Variants in SNX6 observed in about 807,000 individuals in gnomAD.
SNX6 encodes the protein sorting nexin-6.
SNX6 carries 34 observed loss-of-function variants against 63.0 expected under a neutral mutation model. The ratio of observed to expected loss-of-function variants is 0.54; its 90% CI spans 0.41 to 0.72. The LOEUF is 0.72. Among genes scored for constraint, SNX6 ranks in the 30% least tolerant of loss-of-function variants. The pLI is 0.00. For missense variants in SNX6, 398 were observed against 471.4 expected (o/e 0.84, Z 1.44); for synonymous variants, 170 against 164.2 (o/e 1.04, Z -0.27).
At chr14:34,610,786 A>G (rs1883198393) in intron 2 of SNX6, among the ~76,000 whole-genome samples, 1 of 152,162 alleles carries the variant, frequency 6.6e-6, no homozygotes, top group Admixed American at 6.6e-5. Context: ...GAAAGAGTCA[A>G]AACACTCAAA....
chr14:34,569,838 G>A (rs1241968764), intron 11 of SNX6, among the ~76,000 whole-genome samples: 2 of 152,090 alleles, frequency 1.3e-5, no homozygotes, highest in African/African-American at 4.8e-5. Flanking sequence ...AATTAATAAT[G>A]CTGCTGTGAA....
rs183672809 is a variant in SNX6, at chr14:34,595,913, C to T, written c.612+1637G>A. The stretch of plus-strand genomic sequence containing the variant: ...AACTCTTATACCATTTTTAGAACAT[C>T]ATTAAGAAAAGTATAGGTGTTTTCG... On this transcript the variant is annotated intron_variant, in intron 7 of 13. Transcript: ENST00000362031. 1.7e-3 allele frequency among the ~76,000 whole-genome samples: 265 copies of T among 152,172 alleles called. 2 individuals are homozygous for T. Among genetic ancestry groups the T allele is most frequent in the Non-Finnish European group, 2.6e-3 (177 of 67,998 alleles).
chr14:34,598,014 A>G (rs1219949781), intron 6 of SNX6, among the ~76,000 whole-genome samples: 3 of 152,316 alleles, frequency 2.0e-5, no homozygotes, highest in Admixed American at 1.3e-4. Flanking sequence ...GAGTTCCTTT[A>G]AACATGTGAA....
intron 7 of SNX6, among the ~76,000 whole-genome samples, chr14:34,596,923 T>G (rs1882627862): frequency 6.6e-6 from 1 of 152,106 alleles, no homozygotes; most frequent in African/African-American, 2.4e-5. Flanking sequence ...CCACCCACCT[T>G]GGCCTCCCAA....
At chr14:34,609,084 C>T (rs1430043309) in intron 3 of SNX6, among the ~76,000 whole-genome samples, 2 of 151,746 alleles carry the variant, frequency 1.3e-5, no homozygotes, top group Non-Finnish European at 2.9e-5. Flanking sequence ...ACAGAAAGAA[C>T]AATGAAATTG....
At position 34,562,654 on chromosome 14, in the gene SNX6, C is replaced by A. The variant is rs935252547; in HGVS notation, c.*468G>T. 6.5e-6 allele frequency: 1 copy of A among 153,068 alleles called. No individual in the cohort carries two copies. The highest frequency in any genetic ancestry group is 6.5e-5 in the Admixed American group (1 of 15,294). The allele number at this position is 153,068 out of a possible 1,614,324, so 9.5% of individuals were successfully genotyped here. A position where few individuals can be genotyped will look rare whatever the true frequency, so the allele number is the denominator to read the frequency against. On this transcript the variant is annotated 3_prime_UTR_variant, in exon 14 of 14. Coordinates refer to ENST00000362031, the MANE Select transcript of SNX6 (RefSeq NM_152233.4). ...ATTAAAAATAAGTCTGATTAAGATG[C>A]TTTACCAGGATACATGAATGAACTA...
In SNX6 at chr14:34,596,979, A is replaced by C. The variant is rs535748160; in HGVS notation, c.612+571T>G. Among the ~76,000 whole-genome samples the C allele has an allele frequency of 3.3e-5, 5 of 152,306 alleles. No individual in the cohort carries two copies. The East Asian group carries it at 9.7e-4, about 29-fold the overall frequency. ...GGGCCACCTTGCCCGGCCTCAACTG[A>C]GATCTTCTAACTCCAAAGCTGAACC... On this transcript the variant is annotated intron_variant, in intron 7 of 13. Coordinates refer to ENST00000362031, the MANE Select transcript of SNX6 (RefSeq NM_152233.4).
At chr14:34,622,419 A>C (rs1341575326) in intron 2 of SNX6, among the ~76,000 whole-genome samples, 1 of 151,656 alleles carries the variant, frequency 6.6e-6, no homozygotes, top group Non-Finnish European at 1.5e-5. Flanking sequence ...TCTCTACTAA[A>C]AATACAAAAA....
At chr14:34,607,525 G>A (rs529701340) in intron 4 of SNX6, among the ~76,000 whole-genome samples, 4 of 152,180 alleles carry the variant, frequency 2.6e-5, no homozygotes, top group Admixed American at 6.6e-5. Context: ...CAGGGGAATC[G>A]CCTGAATCCA....
chr14:34,610,799 C>T (rs1403093258), intron 2 of SNX6, among the ~76,000 whole-genome samples: 1 of 152,036 alleles, frequency 6.6e-6, no homozygotes. Context: ...CACTCAAAGT[C>T]TTAGCCAGCT....
chr14:34,612,473 CCT>C (rs74857898), intron 2 of SNX6, among the ~76,000 whole-genome samples: 21,795 of 151,786 alleles, frequency 0.14, 1,668 homozygotes, highest in East Asian at 0.17. Flanking sequence ...CACTTTGTCC[CCT>C]GAGGTTGGAG....
intron 3 of SNX6, among the ~76,000 whole-genome samples, chr14:34,608,526 AGT>A (rs1268399811): frequency 1.3e-5 from 2 of 152,180 alleles, no homozygotes; most frequent in Admixed American, 6.6e-5. Flanking sequence ...CAAGACCATT[AGT>A]GTCCTTTAAG....
chr14:34,597,345 C>A (rs1882645140), intron 7 of SNX6, among the ~76,000 whole-genome samples: 1 of 152,174 alleles, frequency 6.6e-6, no homozygotes, highest in Admixed American at 6.6e-5. Context: ...GGCAAATTCC[C>A]TTGGCTTAAG....
chr14:34,630,137 C>G lies in SNX6; in HGVS notation c.-21G>C. On this transcript the variant is annotated 5_prime_UTR_variant, in exon 1 of 14. Transcript: ENST00000362031. The stretch of plus-strand genomic sequence containing the variant: ...ATCATGGCTGCTCCGAGGCGAGGGC[C>G]GGCGCAGGCGCGCATCTCCCTGCTG... 2 of 1,307,686 alleles carry G rather than the reference C, an allele frequency of 1.5e-6. No homozygotes were observed. Among genetic ancestry groups the G allele is most frequent in the Middle Eastern group, 2.9e-4 (1 of 3,478 alleles). 81.0% of individuals were successfully genotyped at this position (1,307,686 alleles called of 1,614,324 possible).
intron 2 of SNX6, among the ~76,000 whole-genome samples, chr14:34,620,668 T>C (rs957979059): frequency 3.3e-5 from 5 of 152,016 alleles, no homozygotes; most frequent in Non-Finnish European, 7.4e-5. Context: ...GGGCCGGGCA[T>C]GGTGGCTCAC....
chr14:34,567,110 G>A (rs755956260), intron 13 of SNX6, among the ~76,000 whole-genome samples: 3 of 152,002 alleles, frequency 2.0e-5, no homozygotes, highest in Non-Finnish European at 2.9e-5. Flanking sequence ...TGTAGTCCTA[G>A]CTACTCGGGA....
intron 2 of SNX6, among the ~76,000 whole-genome samples, chr14:34,613,511 G>A (rs1187469635): frequency 6.6e-6 from 1 of 152,150 alleles, no homozygotes; most frequent in Non-Finnish European, 1.5e-5. Context: ...TACAGAATCT[G>A]GCTGGGCATG....
chr14:34,588,561 T>C (rs549613546), intron 8 of SNX6, among the ~76,000 whole-genome samples: 1 of 152,196 alleles, frequency 6.6e-6, no homozygotes, highest in East Asian at 1.9e-4. Context: ...TAATAAAACA[T>C]AAAACTTATA....
intron 6 of SNX6, among the ~76,000 whole-genome samples, chr14:34,598,784 TGAG>T (rs1384073579): frequency 1.3e-5 from 2 of 152,120 alleles, no homozygotes; most frequent in Non-Finnish European, 2.9e-5. Flanking sequence ...CTTGGGAGGC[TGAG>T]GTGGGAGGAT....
Sources: gnomAD v4.1 joint callset for allele counts (sites outside exome capture counted in the v4.1 genomes callset) on GRCh38, gnomAD v4.1.1 for gene constraint, MANE v1.5 for transcripts, NCBI Gene and HGNC (gene_info 2026-07-23, HGNC 2026-07-21) for gene names.